The following DSE variants were observed in gnomAD, a reference collection of about 807,000 sequenced individuals.
DSE encodes the protein dermatan-sulfate epimerase.
Under a neutral mutation model 84.4 loss-of-function variants are expected in DSE, and 36 were observed. The ratio of observed to expected loss-of-function variants is 0.43; its 90% CI spans 0.33 to 0.56. The LOEUF (loss-of-function observed/expected upper bound fraction) is 0.56, where lower values mean the gene tolerates loss of function less well. Among genes scored for constraint, DSE ranks in the 20% least tolerant of loss-of-function variants. The probability of loss-of-function intolerance (pLI) is 0.06; values close to 1 mark genes in which losing one functional copy is unlikely to be tolerated. For synonymous variants in DSE, 410 were observed against 430.1 expected (o/e 0.95, Z 0.58); for missense variants, 862 against 1,169.6 (o/e 0.74, Z 3.84).
chr6:116,299,977 AT>A (rs1417893683), intron 2 of DSE, among the ~76,000 whole-genome samples: 1 of 152,216 alleles, frequency 6.6e-6, no homozygotes, highest in African/African-American at 2.4e-5. Flanking sequence ...TGGAATTTTA[AT>A]AAACTGTTGG....
chr6:116,338,219 C>CTTTTTTT (rs893312210), intron 2 of DSE, among the ~76,000 whole-genome samples: 261 of 91,110 alleles, frequency 2.9e-3, no homozygotes, highest in East Asian at 3.5e-3. Context: ...TTTCTTCTTT[C>CTTTTTTT]TTTTTTTTTT....
chr6:116,306,354 C>G (rs961257190), intron 2 of DSE, among the ~76,000 whole-genome samples: 3 of 152,130 alleles, frequency 2.0e-5, no homozygotes, highest in Non-Finnish European at 4.4e-5. Flanking sequence ...CATACAATTT[C>G]ATAAACTTCC....
intron 2 of DSE, among the ~76,000 whole-genome samples, chr6:116,343,416 C>G (rs973675660): frequency 4.6e-5 from 7 of 152,212 alleles, no homozygotes; most frequent in African/African-American, 1.7e-4. Flanking sequence ...ACTGACACCT[C>G]ATACAGCCAG....
chr6:116,266,930 C>A (rs1181741120), intron 2 of DSE, among the ~76,000 whole-genome samples: 2 of 152,180 alleles, frequency 1.3e-5, no homozygotes, highest in Non-Finnish European at 2.9e-5. Flanking sequence ...ACATATCCAA[C>A]AGTAAAATTA....
At chr6:116,362,831 T>G (rs1393956883) in intron 2 of DSE, among the ~76,000 whole-genome samples, 1 of 152,198 alleles carries the variant, frequency 6.6e-6, no homozygotes, top group Non-Finnish European at 1.5e-5. Context: ...TCCCAAAGTT[T>G]CCTGGGTGGT....
intron 2 of DSE, among the ~76,000 whole-genome samples, chr6:116,291,494 G>C (rs1372909783): frequency 6.6e-6 from 1 of 151,844 alleles, no homozygotes; most frequent in African/African-American, 2.4e-5. Flanking sequence ...GAAAGATAGG[G>C]AGATTAGTTG....
chr6:116,314,855 G>A (rs1033719818), intron 2 of DSE, among the ~76,000 whole-genome samples: 1 of 152,154 alleles, frequency 6.6e-6, no homozygotes, highest in Non-Finnish European at 1.5e-5. Context: ...AGTTTCTTTA[G>A]CCTTTTAACT....
intron 2 of DSE, among the ~76,000 whole-genome samples, chr6:116,326,428 G>A (rs9374600): frequency 0.27 from 41,765 of 152,064 alleles, 6,577 homozygotes; most frequent in East Asian, 0.65. Flanking sequence ...GGCAGTTACT[G>A]TGATATTTGT....
intron 2 of DSE, among the ~76,000 whole-genome samples, chr6:116,335,423 G>A (rs1189172978): frequency 6.6e-6 from 1 of 152,002 alleles, no homozygotes; most frequent in Non-Finnish European, 1.5e-5. Context: ...TAACTCATGA[G>A]TACTAGGCTT....
chr6:116,327,991 C>G (rs1174680608), intron 2 of DSE, among the ~76,000 whole-genome samples: 4 of 152,168 alleles, frequency 2.6e-5, no homozygotes, highest in African/African-American at 9.7e-5. Flanking sequence ...AGCAAGTCAT[C>G]GGAGTTCAGA....
chr6:116,265,099 G>A (rs1266580134), intron 2 of DSE, among the ~76,000 whole-genome samples: 2 of 152,148 alleles, frequency 1.3e-5, no homozygotes, highest in African/African-American at 2.4e-5. Context: ...GTGCTAGCAG[G>A]TGCCATGCTA....
chr6:116,412,363 C>T (rs1443064976), intron 2 of DSE: 1 of 152,240 alleles, frequency 6.6e-6, no homozygotes, highest in Non-Finnish European at 1.5e-5. Context: ...ACCATCTGCC[C>T]TCTACTTTGA....
intron 2 of DSE, among the ~76,000 whole-genome samples, chr6:116,325,690 C>A (rs1404707591): frequency 6.6e-6 from 1 of 152,122 alleles, no homozygotes; most frequent in Non-Finnish European, 1.5e-5. Context: ...AATACATAAC[C>A]CATGTATAGT....
chr6:116,364,928 G>T (rs1004573514), intron 2 of DSE, among the ~76,000 whole-genome samples: 7 of 150,550 alleles, frequency 4.6e-5, no homozygotes, highest in African/African-American at 1.7e-4. Flanking sequence ...CTGCCTCTTG[G>T]GTTCCAGCAA....
Position 116,437,244 on chromosome 6 carries a change from G to T in DSE, c.2776G>T (p.Ala926Ser), listed in dbSNP as rs372110042. The T allele has an allele frequency of 2.5e-6, 4 of 1,613,984 alleles. No individual in the cohort carries two copies. Among genetic ancestry groups the T allele is most frequent in the Non-Finnish European group, 3.4e-6 (4 of 1,179,986 alleles). The change falls in exon 6 of 6, where the codon GCC (alanine) becomes TCC (serine). Residue 926 changes from alanine to serine, a missense_variant. Ala to Ser is a moderately conservative substitution (Grantham distance 99, BLOSUM62 1). Around this residue, in one of 4 missense-constraint regions of DSE, gnomAD observed 315 missense variants for 348.1 expected, o/e 0.90. Coordinates refer to ENST00000644252, the MANE Select transcript of DSE (RefSeq NM_013352.4). ...AATGCAACTGACTTATTTCCAGAGG[G>T]CCCAGAGCCTACATGGCCAAAGATG... Reference protein sequence around the residue: ...LAMQLTYFQRAQSLHGQRCLY... With the variant: ...LAMQLTYFQRSQSLHGQRCLY...
chr6:116,368,191 T>G (rs1053984895), upstream of DSE, among the ~76,000 whole-genome samples: 10 of 152,166 alleles, frequency 6.6e-5, no homozygotes, highest in Non-Finnish European at 1.3e-4. Context: ...GGATACCTTT[T>G]TCTAATTCTT....
At chr6:116,338,447 C>T (rs2114811371) in intron 2 of DSE, among the ~76,000 whole-genome samples, 1 of 152,078 alleles carries the variant, frequency 6.6e-6, no homozygotes, top group Admixed American at 6.5e-5. Flanking sequence ...TGGTCTCAAA[C>T]TCCTGACATC....
At chr6:116,331,758 A>G (rs772783318) in intron 2 of DSE, among the ~76,000 whole-genome samples, 11 of 152,168 alleles carry the variant, frequency 7.2e-5, no homozygotes, top group Non-Finnish European at 1.3e-4. Context: ...GGGAATCGAG[A>G]CCATCATGGC....
intron 2 of DSE, among the ~76,000 whole-genome samples, chr6:116,350,261 G>A (rs1347721226): frequency 6.6e-6 from 1 of 152,120 alleles, no homozygotes; most frequent in African/African-American, 2.4e-5. Context: ...GTATGGTTGA[G>A]GAAGAGTATG....
Sources: gnomAD v4.1 joint callset for allele counts (sites outside exome capture counted in the v4.1 genomes callset) on GRCh38, gnomAD v4.1.1 for gene constraint, gnomAD v4.1.1 regional missense constraint, MANE v1.5 for transcripts, NCBI Gene and HGNC (gene_info 2026-07-23, HGNC 2026-07-21) for gene names.